Variants in OTOG observed in about 807,000 individuals in gnomAD.
The protein encoded by OTOG is otogelin.
Under a neutral mutation model 313.8 loss-of-function variants are expected in OTOG, and 296 were observed. That is an observed-to-expected ratio of 0.94 (90% CI 0.86 to 1.04). The LOEUF (loss-of-function observed/expected upper bound fraction) is 1.04, where lower values mean the gene tolerates loss of function less well. Among genes scored for constraint, OTOG ranks in the 50% least tolerant of loss-of-function variants. The pLI is 0.00. For missense variants in OTOG, 3,948 were observed against 3,840.1 expected (o/e 1.03, Z -0.74); for synonymous variants, 1,533 against 1,554.9 (o/e 0.99, Z 0.33).
At chr11:17,595,202 C>A (rs542009300) in intron 28 of OTOG, among the ~76,000 whole-genome samples, 3 of 152,252 alleles carry the variant, frequency 2.0e-5, no homozygotes, top group South Asian at 4.2e-4. Context: ...GTTCCCACAG[C>A]CTCTGAAAAG....
chr11:17,602,063 C>A, intron 31 of OTOG, 147 bp from the exon 32 acceptor site: 1 of 903,174 alleles, frequency 1.1e-6, no homozygotes, highest in Non-Finnish European at 1.6e-6. Flanking sequence ...TCATCAAGGT[C>A]CCTGAGATCT....
intron 39 of OTOG, among the ~76,000 whole-genome samples, chr11:17,618,816 T>C (rs1853795227): frequency 6.6e-6 from 1 of 152,264 alleles, no homozygotes; most frequent in Admixed American, 6.5e-5. Context: ...TTTATCCTGG[T>C]AAAACTCTTT....
intron 18 of OTOG, among the ~76,000 whole-genome samples, chr11:17,572,630 G>C (rs996220863): frequency 2.0e-5 from 3 of 152,194 alleles, no homozygotes; most frequent in Non-Finnish European, 4.4e-5. Context: ...CTGGAATGCT[G>C]TTTCTGCAGA....
At chr11:17,639,910 G>C (rs1053323140) in intron 49 of OTOG, among the ~76,000 whole-genome samples, 60 of 150,174 alleles carry the variant, frequency 4.0e-4, no homozygotes, top group Non-Finnish European at 7.5e-4. Flanking sequence ...TGGTGGTGAT[G>C]GTGAGGATGG....
chr11:17,635,239 G>A (rs973638019), intron 46 of OTOG, 52 bp downstream of exon 46: 26 of 1,428,332 alleles, frequency 1.8e-5, no homozygotes, highest in East Asian at 2.5e-5. Context: ...ACAGTCCGCC[G>A]GCCTCACCCC....
Position 17,570,148 on chromosome 11 carries a change from G to A in OTOG, c.1778-65G>A, listed in dbSNP as rs1268451930. 3 of 1,414,718 alleles carry A rather than the reference G, an allele frequency of 2.1e-6. No individual in the cohort carries two copies. The Admixed American group carries it at 6.0e-5, about 28-fold the overall frequency. 87.6% of individuals were successfully genotyped at this position (1,414,718 alleles called of 1,614,324 possible). A position where few individuals can be genotyped will look rare whatever the true frequency, so the allele number is the denominator to read the frequency against. ...GGGAGTCTGAGCGGGCCAGGCAGGT[G>A]GTGGTGGTGGGCGGGGTGTGTACTG... On this transcript the variant is annotated intron_variant, in intron 16 of 55. Transcript: ENST00000399397.
chr11:17,566,008 G>A (rs1852286449), intron 15 of OTOG, among the ~76,000 whole-genome samples: 1 of 152,174 alleles, frequency 6.6e-6, no homozygotes, highest in African/African-American at 2.4e-5. Flanking sequence ...ATCAGGGGAT[G>A]AGGTGTGCTC....
chr11:17,598,606 G>C (rs755290793), intron 30 of OTOG, among the ~76,000 whole-genome samples: 2 of 152,136 alleles, frequency 1.3e-5, no homozygotes, highest in African/African-American at 4.8e-5. Context: ...CACCTTAGAG[G>C]AGGGCACTAA....
chr11:17,627,499 A>AT (rs1036984980), intron 39 of OTOG, among the ~76,000 whole-genome samples: 4 of 152,130 alleles, frequency 2.6e-5, no homozygotes, highest in African/African-American at 9.6e-5. Context: ...TCTTGCTAGT[A>AT]TTTTTTTGAG....
chr11:17,610,489 A>C lies in OTOG; in HGVS notation c.5189A>C (p.His1730Pro). The C allele has an allele frequency of 6.4e-7, 1 of 1,550,466 alleles. No individual in the cohort carries two copies. The highest frequency in any genetic ancestry group is 8.7e-7 in the Non-Finnish European group (1 of 1,146,928). Residue 1730 changes from histidine (H) to proline (P), a missense_variant, in exon 36 of 56, where the codon CAC becomes CCC. By Grantham distance (77) the His-to-Pro change is moderately conservative (BLOSUM62 -2). Transcript: ENST00000399397. The stretch of plus-strand genomic sequence containing the variant: ...TCCACAGAGAAGGGCGAAGCCGGGC[A>C]CAGCCAGCCCATGGGCTCGCCTGCC... ...VLSTEKGEAG[H>P]SQPMGSPASP...
chr11:17,621,441 T>G (rs959972633), intron 39 of OTOG, among the ~76,000 whole-genome samples: 1 of 152,236 alleles, frequency 6.6e-6, no homozygotes, highest in African/African-American at 2.4e-5. Context: ...CTCAGCCCTG[T>G]GCTAGCTCTG....
chr11:17,630,518 C>G (rs1854096658), intron 40 of OTOG, among the ~76,000 whole-genome samples: 1 of 152,146 alleles, frequency 6.6e-6, no homozygotes, highest in Non-Finnish European at 1.5e-5. Flanking sequence ...GGTGTTAGAA[C>G]AGAAGTCAGA....
intron 12 of OTOG, among the ~76,000 whole-genome samples, chr11:17,560,134 A>T (rs1589998979): frequency 6.6e-6 from 1 of 152,238 alleles, no homozygotes; most frequent in East Asian, 1.9e-4. Flanking sequence ...TTGTTTAAGC[A>T]TTGGTCCATG....
At chr11:17,558,118 G>A in intron 8 of OTOG, 67 bp from the exon 9 acceptor site, 1 of 1,528,064 alleles carries the variant, frequency 6.5e-7, no homozygotes, top group Non-Finnish European at 8.8e-7. Flanking sequence ...TTCCCTCAGA[G>A]CCTTCTGTCC....
At chr11:17,634,036 C>T (rs1361577431) in intron 43 of OTOG, 33 bp from the exon 44 acceptor site, 8 of 1,528,802 alleles carry the variant, frequency 5.2e-6, no homozygotes, top group Non-Finnish European at 7.0e-6. Flanking sequence ...TCACCTTCCT[C>T]AGTCCCTCGC....
chr11:17,547,706 A>C (rs1221811246), intron 1 of OTOG, among the ~76,000 whole-genome samples: 1 of 152,042 alleles, frequency 6.6e-6, no homozygotes, highest in East Asian at 1.9e-4. Flanking sequence ...GAGGTGGGGA[A>C]CTAGAGAGAG....
intron 39 of OTOG, among the ~76,000 whole-genome samples, chr11:17,625,328 C>T (rs1185175627): frequency 6.6e-6 from 1 of 152,114 alleles, no homozygotes; most frequent in African/African-American, 2.4e-5. Context: ...AGGTATGTTC[C>T]TTTAACACGT....
chr11:17,586,092 G>A (rs1852787522), intron 23 of OTOG, among the ~76,000 whole-genome samples: 1 of 152,284 alleles, frequency 6.6e-6, no homozygotes, highest in Admixed American at 6.5e-5. Flanking sequence ...TTTGGGGCCT[G>A]TGGTCTGAGA....
Position 17,634,094 on chromosome 11 carries a change from G to A in OTOG, c.7293G>A (p.Pro2431=), listed in dbSNP as rs957524666. The change falls in exon 44 of 56, where the codon CCG becomes CCA. Residue 2431 remains proline (P), a synonymous_variant. Coordinates refer to ENST00000399397, the MANE Select transcript of OTOG (RefSeq NM_001292063.2). ...CCTGCACTGACAGCATGGGGGTGCC[G>A]AGGGCCCTGGGGGAGACCTGGAACA... ...KCACTDSMGV[P]RALGETWNSS... The A allele has an allele frequency of 6.5e-6, 10 of 1,547,120 alleles. No individual in the cohort carries two copies. The highest frequency in any genetic ancestry group is 1.2e-5 in the South Asian group (1 of 83,978).
Sources: gnomAD v4.1 joint callset for allele counts (sites outside exome capture counted in the v4.1 genomes callset) on GRCh38, gnomAD v4.1.1 for gene constraint, MANE v1.5 for transcripts, NCBI Gene and HGNC (gene_info 2026-07-23, HGNC 2026-07-21) for gene names.